CDKAL1: variants seen among roughly 807,000 people sequenced by gnomAD.
The protein encoded by CDKAL1 is CDKAL1 threonylcarbamoyladenosine tRNA methylthiotransferase, also known as threonylcarbamoyladenosine tRNA methylthiotransferase.
CDKAL1 carries 32 observed loss-of-function variants against 68.2 expected under a neutral mutation model. The ratio of observed to expected loss-of-function variants is 0.47; its 90% confidence interval spans 0.35 to 0.63. The LOEUF is 0.63. Ranked by LOEUF, CDKAL1 falls within the 30% of genes least tolerant of loss-of-function variation. CDKAL1 has a pLI of 0.00. For missense variants in CDKAL1, 606 were observed against 696.7 expected, an observed-to-expected ratio of 0.87 and a Z score of 1.47; for synonymous variants, 234 against 244.3, an observed-to-expected ratio of 0.96 and a Z score of 0.39.
At chr6:20,874,975 A>T (rs537063687) in intron 9 of CDKAL1, among the ~76,000 whole-genome samples, 2 of 152,008 alleles carry the variant, frequency 1.3e-5, no homozygotes, top group South Asian at 4.2e-4. Flanking sequence ...TTTTGAACTG[A>T]TGGGAGGAGG....
At chr6:20,969,656 G>C (rs574541945) in intron 10 of CDKAL1, among the ~76,000 whole-genome samples, 1 of 152,194 alleles carries the variant, frequency 6.6e-6, no homozygotes, top group South Asian at 2.1e-4. Context: ...CCTGGAACTA[G>C]TAAGTCTCTC....
chr6:20,739,666 G>C, intron 6 of CDKAL1, 51 bp downstream of exon 6: 1 of 963,766 alleles, frequency 1.0e-6, no homozygotes. Context: ...GTTAACACCT[G>C]TAATAGCTCC....
At chr6:20,627,826 A>G (rs907818583) in intron 4 of CDKAL1, among the ~76,000 whole-genome samples, 1 of 152,104 alleles carries the variant, frequency 6.6e-6, no homozygotes, top group Admixed American at 6.5e-5. Context: ...ACACCTAAGT[A>G]TTTCATTTTC....
At chr6:21,069,981 G>A (rs564806551) in intron 12 of CDKAL1, among the ~76,000 whole-genome samples, 3 of 151,428 alleles carry the variant, frequency 2.0e-5, no homozygotes, top group South Asian at 2.1e-4. Context: ...TAGTAGAGTC[G>A]AGGTTTCACC....
chr6:20,546,310 C>G, intron 2 of CDKAL1, 36 bp from the exon 3 acceptor site: 1 of 1,503,132 alleles, frequency 6.7e-7, no homozygotes, highest in Non-Finnish European at 9.1e-7. Context: ...AGCAGATTTT[C>G]ATAAGTTGAT....
chr6:21,211,149 TTGAAGG>T (rs1247568954), intron 15 of CDKAL1, among the ~76,000 whole-genome samples: 1 of 152,208 alleles, frequency 6.6e-6, no homozygotes, highest in Non-Finnish European at 1.5e-5. Context: ...GATATGGACT[TTGAAGG>T]TGAGAAGAAC....
At chr6:20,705,701 C>T (rs930016849) in intron 5 of CDKAL1, among the ~76,000 whole-genome samples, 7 of 152,242 alleles carry the variant, frequency 4.6e-5, no homozygotes, top group South Asian at 2.1e-4. Flanking sequence ...CAGGCAAATG[C>T]AAAATGTATC....
At chr6:21,081,157 T>G (rs1314692469) in intron 12 of CDKAL1, among the ~76,000 whole-genome samples, 1 of 152,224 alleles carries the variant, frequency 6.6e-6, no homozygotes, top group East Asian at 1.9e-4. Flanking sequence ...GCCTTCCTTT[T>G]GGCATTCATT....
At chr6:20,626,958 C>G (rs1044354946) in intron 4 of CDKAL1, among the ~76,000 whole-genome samples, 1 of 152,186 alleles carries the variant, frequency 6.6e-6, no homozygotes, top group Admixed American at 6.6e-5. Flanking sequence ...GTTGGCTTTT[C>G]TAGCCTCTAC....
In CDKAL1 at chr6:21,070,566, G is replaced by C. The variant is rs1036503249; in HGVS notation, c.1236+5338G>C. 4.0e-4 allele frequency among the ~76,000 whole-genome samples: 61 copies of C among 151,558 alleles called. 1 individual carries two copies. Among genetic ancestry groups the C allele is most frequent in the African/African-American group, 1.1e-3 (45 of 41,218 alleles). ...TTTTCTTTGTATTTATCCTGCTTGA[G>C]GATTCTTGGTGTTTTTTCGCCCTGT... On this transcript the variant is annotated intron_variant, in intron 12 of 15. Coordinates refer to ENST00000274695, the MANE Select transcript of CDKAL1 (RefSeq NM_017774.3).
chr6:21,034,328 G>A (rs979625487), intron 11 of CDKAL1, among the ~76,000 whole-genome samples: 7 of 152,172 alleles, frequency 4.6e-5, no homozygotes, highest in African/African-American at 9.7e-5. Flanking sequence ...CAGTGTTATC[G>A]TCTGTATCCA....
chr6:20,854,174 A>C (rs1759199220), intron 9 of CDKAL1, among the ~76,000 whole-genome samples: 2 of 152,224 alleles, frequency 1.3e-5, no homozygotes, highest in Non-Finnish European at 2.9e-5. Context: ...ATGCAGAAAC[A>C]GACACCAAAT....
intron 13 of CDKAL1, among the ~76,000 whole-genome samples, chr6:21,151,277 A>G (rs994578295): frequency 1.3e-5 from 2 of 152,216 alleles, no homozygotes; most frequent in African/African-American, 4.8e-5. Context: ...ACTAAAGGAG[A>G]GGCAACAATA....
chr6:20,957,690 C>T (rs1414347746), intron 10 of CDKAL1, among the ~76,000 whole-genome samples: 2 of 152,042 alleles, frequency 1.3e-5, no homozygotes, highest in Admixed American at 6.6e-5. Context: ...GGAAGAGCTG[C>T]CCAGGCTCAG....
At chr6:20,571,686 A>C (rs551338627) in intron 4 of CDKAL1, among the ~76,000 whole-genome samples, 14 of 152,128 alleles carry the variant, frequency 9.2e-5, no homozygotes, top group African/African-American at 3.4e-4. Context: ...TTGGGAGACA[A>C]AATTACTCTC....
intron 12 of CDKAL1, among the ~76,000 whole-genome samples, chr6:21,065,468 A>T (rs896906536): frequency 1.3e-5 from 2 of 152,020 alleles, no homozygotes; most frequent in African/African-American, 4.8e-5. Context: ...TGGGGAAAAA[A>T]ATTTTTAATT....
rs1764084202 is a variant in CDKAL1 at position 20,557,074 on chromosome 6, TA to T, written c.286+8372del. 2.7e-5 allele frequency among the ~76,000 whole-genome samples: 4 copies of T among 146,942 alleles called. No individual in the cohort carries two copies. In the South Asian group the frequency reaches 8.9e-4, roughly 33 times the overall value. On this transcript the variant is annotated intron_variant, in intron 4 of 15. Coordinates refer to ENST00000274695, the MANE Select transcript of CDKAL1 (RefSeq NM_017774.3). ...AAAAATAAATAAATAAATAAATAAA[TA>T]AATAAATAAATGAAAAATAAATAAA... is the stretch of plus-strand genomic sequence containing the variant.
At chr6:20,898,769 A>G (rs1761821063) in intron 9 of CDKAL1, among the ~76,000 whole-genome samples, 1 of 152,152 alleles carries the variant, frequency 6.6e-6, no homozygotes, top group Non-Finnish European at 1.5e-5. Context: ...ATTTTTACAT[A>G]TAAAATTCCC....
intron 13 of CDKAL1, among the ~76,000 whole-genome samples, chr6:21,155,129 A>G (rs1384465752): frequency 6.6e-6 from 1 of 152,226 alleles, no homozygotes; most frequent in Non-Finnish European, 1.5e-5. Context: ...TTATTACAAT[A>G]TATCTAGAAA....
Sources: allele counts gnomAD v4.1 joint callset (sites outside exome capture counted in the v4.1 genomes callset), GRCh38; gene constraint gnomAD v4.1.1; transcripts MANE v1.5; gene names NCBI Gene and HGNC (gene_info 2026-07-23, HGNC 2026-07-21).